GOLPH3L: variants seen among roughly 807,000 people sequenced by gnomAD.
GOLPH3L encodes the protein golgi phosphoprotein 3 like.
Under a neutral mutation model 30.3 loss-of-function variants are expected in GOLPH3L, and 22 were observed. That is an observed-to-expected ratio of 0.73 (90% CI 0.52 to 1.04). GOLPH3L has a LOEUF of 1.04. Among genes scored for constraint, GOLPH3L ranks in the 50% least tolerant of loss-of-function variants. The pLI is 0.00. For missense variants in GOLPH3L, 303 were observed against 345.8 expected, an observed-to-expected ratio of 0.88 and a Z score of 0.98; for synonymous variants, 120 against 128.2, an observed-to-expected ratio of 0.94 and a Z score of 0.43.
At chr1:150,662,138 C>G (rs1261483273) in intron 3 of GOLPH3L, among the ~76,000 whole-genome samples, 2 of 151,978 alleles carry the variant, frequency 1.3e-5, no homozygotes, top group African/African-American at 4.8e-5. Flanking sequence ...TAGTGACAAA[C>G]TGGATATGAA....
intron 2 of GOLPH3L, among the ~76,000 whole-genome samples, chr1:150,690,207 G>T (rs1651177498): frequency 6.6e-6 from 1 of 151,764 alleles, no homozygotes; most frequent in African/African-American, 2.4e-5. Flanking sequence ...GGTTGGTCTA[G>T]AATTCCTGGC....
intron 2 of GOLPH3L, among the ~76,000 whole-genome samples, chr1:150,691,221 C>T (rs1466935614): frequency 6.6e-6 from 1 of 151,276 alleles, no homozygotes; most frequent in Non-Finnish European, 1.5e-5. Context: ...CAGTAGTTTA[C>T]GCCTGTAATC....
chr1:150,661,666 A>G, intron 4 of GOLPH3L, 148 bp downstream of exon 4: 1 of 561,330 alleles, frequency 1.8e-6, no homozygotes, highest in Non-Finnish European at 3.2e-6. Flanking sequence ...TCAATTAACC[A>G]TGCTTTTTCT....
chr1:150,694,965 TAGAA>T, intron 1 of GOLPH3L, 115 bp from the exon 2 acceptor site: 1 of 645,606 alleles, frequency 1.5e-6, no homozygotes, highest in Non-Finnish European at 2.6e-6. Context: ...GATTTAAATA[TAGAA>T]AGAAAGGAAG....
rs1315706576 is a variant in GOLPH3L at position 150,648,186 on chromosome 1, C to G, written c.*135G>C. ...GGTCTATGGAGAAGCCCTGAAGTTG[C>G]TCTCCCCAAATCACAAGTCTGATTC... On this transcript the variant is annotated 3_prime_UTR_variant, in exon 5 of 5. Coordinates refer to ENST00000271732, the MANE Select transcript of GOLPH3L (RefSeq NM_018178.6). The G allele has an allele frequency of 1.6e-6, 1 of 643,710 alleles. No homozygotes were observed. Among genetic ancestry groups the G allele is most frequent in the Non-Finnish European group, 2.7e-6 (1 of 374,714 alleles). 39.9% of individuals were successfully genotyped at this position (643,710 alleles called of 1,614,324 possible).
chr1:150,673,594 A>T (rs1379027279), intron 2 of GOLPH3L, among the ~76,000 whole-genome samples: 1 of 151,796 alleles, frequency 6.6e-6, no homozygotes, highest in Non-Finnish European at 1.5e-5. Context: ...AAAAAACAAA[A>T]GAAAACAGAA....
At chr1:150,650,717 CTG>C (rs1650085885) in intron 4 of GOLPH3L, among the ~76,000 whole-genome samples, 1 of 152,226 alleles carries the variant, frequency 6.6e-6, no homozygotes, top group Admixed American at 6.5e-5. Context: ...AGTGGAAAAA[CTG>C]TCTTCCACGA....
At chr1:150,693,896 G>A (rs1269611052) in intron 2 of GOLPH3L, among the ~76,000 whole-genome samples, 4 of 103,062 alleles carry the variant, frequency 3.9e-5, no homozygotes, top group African/African-American at 1.6e-4. Context: ...GTCTCACTCT[G>A]TCATCCAGGC....
chr1:150,692,032 C>T (rs981775878), intron 2 of GOLPH3L, among the ~76,000 whole-genome samples: 1 of 151,486 alleles, frequency 6.6e-6, no homozygotes, highest in African/African-American at 2.4e-5. Flanking sequence ...AAGGCAGGGA[C>T]CATATACTAT....
At chr1:150,653,110 CTT>C (rs1308185221) in intron 4 of GOLPH3L, among the ~76,000 whole-genome samples, 2 of 145,518 alleles carry the variant, frequency 1.4e-5, no homozygotes, top group African/African-American at 5.1e-5. Context: ...CATAGTGAAA[CTT>C]TGTCTAAAAA....
chr1:150,665,178 C>T (rs953494833), intron 2 of GOLPH3L, among the ~76,000 whole-genome samples: 1 of 152,094 alleles, frequency 6.6e-6, no homozygotes, highest in Non-Finnish European at 1.5e-5. Context: ...AGTACTACTA[C>T]TACCCACACA....
At chr1:150,652,409 C>T (rs1453090826) in intron 4 of GOLPH3L, among the ~76,000 whole-genome samples, 1 of 98,190 alleles carries the variant, frequency 1.0e-5, no homozygotes, top group South Asian at 3.2e-4. Flanking sequence ...AAAAAAAAAA[C>T]CCTAAAAAAA....
intron 2 of GOLPH3L, 113 bp from the exon 3 acceptor site, chr1:150,663,876 G>A: frequency 1.3e-6 from 1 of 760,182 alleles, no homozygotes; most frequent in Non-Finnish European, 2.2e-6. Context: ...CATACTACAT[G>A]AACTCAAAGT....
At chr1:150,667,595 CTTTTT>C (rs200372559) in intron 2 of GOLPH3L, among the ~76,000 whole-genome samples, 3 of 134,424 alleles carry the variant, frequency 2.2e-5, no homozygotes, top group African/African-American at 2.7e-5. Flanking sequence ...TTTTTTCTTT[CTTTTT>C]TTTTTTTTTT....
rs1650727840 is a variant in GOLPH3L, at chr1:150,674,608, C to T, written c.184-10845G>A. ...ATGAGGTCTTGGCCTGGTATGGTGG[C>T]TCCTACCTATAATCCCAGCACTTTG... is the stretch of plus-strand genomic sequence containing the variant. On this transcript the variant is annotated intron_variant, in intron 2 of 4. Transcript: ENST00000271732. 2.0e-5 allele frequency among the ~76,000 whole-genome samples: 3 copies of T among 151,906 alleles called. No homozygotes were observed. In the South Asian group the frequency reaches 6.2e-4, roughly 32 times the overall value.
chr1:150,666,298 T>C (rs1650497575), intron 2 of GOLPH3L, among the ~76,000 whole-genome samples: 1 of 152,066 alleles, frequency 6.6e-6, no homozygotes, highest in South Asian at 2.1e-4. Flanking sequence ...TTTAACCTTT[T>C]ATATTTTCCA....
chr1:150,690,867 C>T (rs1462338252), intron 2 of GOLPH3L, among the ~76,000 whole-genome samples: 1 of 152,174 alleles, frequency 6.6e-6, no homozygotes, highest in African/African-American at 2.4e-5. Context: ...CTCTAACTCC[C>T]TTGGCTCATT....
intron 4 of GOLPH3L, among the ~76,000 whole-genome samples, chr1:150,657,713 GAATATTAAACACA>G (rs587765211): frequency 0.041 from 6,224 of 152,112 alleles, 416 homozygotes; most frequent in African/African-American, 0.14. Flanking sequence ...TCTCTATATG[GAATATTAAACACA>G]ATACTGGTAT....
At position 150,683,699 on chromosome 1, in the gene GOLPH3L, C is replaced by CAAAAAAA. The variant is rs397981524; in HGVS notation, c.183+10950_183+10956dup. On this transcript the variant is annotated intron_variant, in intron 2 of 4. Coordinates refer to ENST00000271732, the MANE Select transcript of GOLPH3L (RefSeq NM_018178.6). Reference sequence around the variant, plus strand: ...TGGGTGACAGAGCGAGACTCTCTCTCAAAAAAAAAAAAAAAAAAAAAAAAA... The same window carrying CAAAAAAA: ...TGGGTGACAGAGCGAGACTCTCTCTCAAAAAAAAAAAAAAAAAAAAAAAAAAAAAAAA... Among the ~76,000 whole-genome samples the CAAAAAAA allele has an allele frequency of 2.4e-3, 36 of 14,966 alleles. 3 individuals are homozygous for CAAAAAAA. The highest frequency in any genetic ancestry group is 6.1e-3 in the East Asian group (2 of 328). The allele number at this position is 14,966 out of a possible 152,430, so 9.8% of individuals were successfully genotyped here.
Sources: allele counts gnomAD v4.1 joint callset (sites outside exome capture counted in the v4.1 genomes callset), GRCh38; gene constraint gnomAD v4.1.1; transcripts MANE v1.5; gene names NCBI Gene and HGNC (gene_info 2026-07-23, HGNC 2026-07-21).